Variants in MMP9 observed in about 807,000 individuals in gnomAD.
MMP9 encodes the protein matrix metalloproteinase-9.
MMP9 carries 73 observed loss-of-function variants against 76.4 expected under a neutral mutation model. The observed-to-expected ratio is 0.96, with a 90% CI of 0.79 to 1.16. MMP9 has a LOEUF of 1.16. MMP9 is among the 50% of genes most tolerant of loss of function. The pLI, the probability that MMP9 is intolerant of heterozygous loss-of-function variation, is 0.00. For synonymous variants in MMP9, 412 were observed against 408.4 expected, an observed-to-expected ratio of 1.01 and a Z score of -0.11; for missense variants, 943 against 973.0, an observed-to-expected ratio of 0.97 and a Z score of 0.41.
In MMP9 at chr20:46,012,294, G is replaced by T; in HGVS notation, c.1155G>T (p.Trp385Cys). The change falls in exon 7 of 13, where the codon TGG becomes TGT. Residue 385 changes from tryptophan to cysteine, a missense_variant. Transcript: ENST00000372330. ...CGAACTTTGACAGCGACAAGAAGTG[G>T]GGCTTCTGCCCGGACCAAGGTAGGC... ...TTSNFDSDKK[W>C]GFCPDQGYSL... 1 of 1,613,532 alleles carries T rather than the reference G, an allele frequency of 6.2e-7. No individual in the cohort carries two copies. The highest frequency in any genetic ancestry group is 2.2e-5 in the East Asian group (1 of 44,864).
intron 6 of MMP9, 36 bp from the exon 7 acceptor site, chr20:46,012,101 T>C: frequency 6.2e-7 from 1 of 1,610,272 alleles, no homozygotes; most frequent in Non-Finnish European, 8.5e-7. Context: ...ATTGGACTCA[T>C]CCATCTGGCT....
chr20:46,012,628 T>C (rs1437670260), intron 8 of MMP9, 46 bp downstream of exon 8: 1 of 1,583,500 alleles, frequency 6.3e-7, no homozygotes, highest in Non-Finnish European at 8.6e-7. Flanking sequence ...AGGGCGTGGC[T>C]GTGCCACAGT....
In MMP9 at chr20:46,010,333, A is replaced by AAAAAAAAAAC. The variant is rs796972949; in HGVS notation, c.372-142_372-141insACAAAAAAAA. 6.0e-6 allele frequency: 5 copies of AAAAAAAAAAC among 828,924 alleles called. No homozygotes were observed. In the African/African-American group the frequency reaches 1.1e-4, roughly 18 times the overall value. 51.3% of individuals were successfully genotyped at this position (828,924 alleles called of 1,614,324 possible). ...GGGTCTAAGTAGACAAAAAAAAAAAAAAAAAAAACAGTCTGGAAGCAATTT... is the reference window on the plus strand; with the variant it reads ...GGGTCTAAGTAGACAAAAAAAAAAAAAAAAAAAAACAAAAAAAACAGTCTGGAAGCAATTT... On this transcript the variant is annotated intron_variant, in intron 2 of 12. Transcript: ENST00000372330.
At position 46,013,433 on chromosome 20, in the gene MMP9, G is replaced by A. The variant is rs201304772; in HGVS notation, c.1509G>A (p.Thr503=). 6.2e-7 allele frequency: 1 copy of A among 1,613,510 alleles called. No individual in the cohort carries two copies. The highest frequency in any genetic ancestry group is 2.2e-5 in the East Asian group (1 of 44,840). ...GTCCCCCCACTGCTGGCCCTTCTAC[G>A]GCCACTACTGTGCCTTTGAGTCCGG... ...PTGPPTAGPS[T]ATTVPLSPVD... Residue 503 remains threonine (T), a synonymous_variant, in exon 9 of 13, where the codon ACG becomes ACA. Coordinates refer to ENST00000372330, the MANE Select transcript of MMP9 (RefSeq NM_004994.3). The surrounding 1 kb of genome is among the most constrained non-coding windows in gnomAD (Gnocchi z 4.5).
In MMP9 at chr20:46,010,666, G is replaced by T. The variant is rs140558050; in HGVS notation, c.520+35G>T. On this transcript the variant is annotated intron_variant, in intron 3 of 12. Transcript: ENST00000372330. Reference sequence around the variant, plus strand: ...TGAGGAGGGAAAATCCAAGAGACCTGGGCGGGGTCAGGGAAGGGAGGACCA... The same window carrying T: ...TGAGGAGGGAAAATCCAAGAGACCTTGGCGGGGTCAGGGAAGGGAGGACCA... The T allele has an allele frequency of 2.3e-4, 371 of 1,599,342 alleles. 1 individual carries two copies. The African/African-American group carries it at 4.6e-3, about 20-fold the overall frequency.
chr20:46,008,948 G>GTCCTGGTGC lies in MMP9; in HGVS notation c.33_41dup (p.Leu12_Leu14dup). 2 of 1,613,926 alleles carry GTCCTGGTGC rather than the reference G, an allele frequency of 1.2e-6. No individual in the cohort carries two copies. Among genetic ancestry groups the GTCCTGGTGC allele is most frequent in the Non-Finnish European group, 1.7e-6 (2 of 1,179,984 alleles). ...CACCATGAGCCTCTGGCAGCCCCTG[G>GTCCTGGTGC]TCCTGGTGCTCCTGGTGCTGGGCTG... On this transcript the variant is annotated inframe_insertion, in exon 1 of 13. Transcript: ENST00000372330.
chr20:46,016,288 G>C lies in MMP9; in HGVS notation c.2044G>C (p.Val682Leu). The change falls in exon 13 of 13, where the codon GTG becomes CTG. Residue 682 changes from valine to leucine, a missense_variant. Physicochemically the swap from Val to Leu is conservative, Grantham distance 32. Coordinates refer to ENST00000372330, the MANE Select transcript of MMP9 (RefSeq NM_004994.3). ...CTGCCAGGACCGCTTCTACTGGCGC[G>C]TGAGTTCCCGGAGTGAGTTGAACCA... is the stretch of plus-strand genomic sequence containing the variant. The part of the protein sequence containing the change: ...YFCQDRFYWR[V>L]SSRSELNQVD... 1.9e-6 allele frequency: 3 copies of C among 1,614,230 alleles called. No individual in the cohort carries two copies. The highest frequency in any genetic ancestry group is 2.5e-6 in the Non-Finnish European group (3 of 1,180,042).
At chr20:46,011,996 G>GC (rs1388887003) in intron 6 of MMP9, 141 bp from the exon 7 acceptor site, 46 of 1,207,194 alleles carry the variant, frequency 3.8e-5, no homozygotes, top group Non-Finnish European at 4.9e-5. Flanking sequence ...CCCAGGCACC[G>GC]CCCACGGGTC....
Position 46,012,533 on chromosome 20 carries a change from G to T in MMP9, c.1281G>T (p.Glu427Asp). 6.2e-7 allele frequency: 1 copy of T among 1,614,132 alleles called. No individual in the cohort carries two copies. Among genetic ancestry groups the T allele is most frequent in the African/African-American group, 1.3e-5 (1 of 75,052 alleles). Reference sequence around the variant, plus strand: ...TGTACCCTATGTACCGCTTCACTGAGGGGCCCCCCTTGCATAAGGACGACG... The same window carrying T: ...TGTACCCTATGTACCGCTTCACTGATGGGCCCCCCTTGCATAAGGACGACG... ...ALMYPMYRFT[E>D]GPPLHKDDVN... The change falls in exon 8 of 13, where the codon GAG becomes GAT. Residue 427 changes from glutamate to aspartate, a missense_variant. Transcript: ENST00000372330.
At chr20:46,014,060 T>C in intron 10 of MMP9, 64 bp from the exon 11 acceptor site, 1 of 1,530,420 alleles carries the variant, frequency 6.5e-7, no homozygotes, top group Non-Finnish European at 8.7e-7. Flanking sequence ...ATCTCCCTCC[T>C]CGCGTTCTAG....
intron 6 of MMP9, 37 bp downstream of exon 6, chr20:46,011,784 T>TGGTATTGGC (rs1568847609): frequency 1.3e-6 from 2 of 1,585,924 alleles, no homozygotes; most frequent in Admixed American, 3.5e-5. Context: ...AGCCCCGCCC[T>TGGTATTGGC]CTCATCATGT....
At chr20:46,009,168 G>C in intron 1 of MMP9, 104 bp downstream of exon 1, 1 of 1,255,486 alleles carries the variant, frequency 8.0e-7, no homozygotes, top group Non-Finnish European at 1.1e-6. Context: ...GGGGTGTGTT[G>C]GTGGTGATGG....
chr20:46,010,222 G>A, intron 2 of MMP9, 124 bp downstream of exon 2: 1 of 946,684 alleles, frequency 1.1e-6, no homozygotes, highest in Admixed American at 2.5e-5. Context: ...TGTGGCCCCT[G>A]GGGAGTGTCC....
At chr20:46,012,627 C>T in intron 8 of MMP9, 45 bp downstream of exon 8, 1 of 1,517,886 alleles carries the variant, frequency 6.6e-7, no homozygotes, top group Non-Finnish European at 8.9e-7. Context: ...AAGGGCGTGG[C>T]TGTGCCACAG....
At chr20:46,014,822 T>C (rs577590247) in intron 12 of MMP9, 8 of 311,032 alleles carry the variant, frequency 2.6e-5, no homozygotes, top group Admixed American at 1.4e-4. Context: ...CACAGCTCTG[T>C]GACTTTGGGC....
In MMP9 at chr20:46,009,910, T is replaced by C. The variant is rs2084264190; in HGVS notation, c.183T>C (p.Arg61=). 1.3e-6 allele frequency: 2 copies of C among 1,552,082 alleles called. No individual in the cohort carries two copies. Among genetic ancestry groups the C allele is most frequent in the Non-Finnish European group, 1.7e-6 (2 of 1,147,266 alleles). ...RYGYTRVAEM[R]GESKSLGPAL... ...GTTACACTCGGGTGGCAGAGATGCG[T>C]GGAGAGTCGAAATCTCTGGGGCCTG... The change falls in exon 2 of 13, where the codon CGT becomes CGC. Residue 61 remains arginine (R), a synonymous_variant. Coordinates refer to ENST00000372330, the MANE Select transcript of MMP9 (RefSeq NM_004994.3).
At position 46,013,599 on chromosome 20, in the gene MMP9, G is replaced by A. The variant is rs1163921533; in HGVS notation, c.1611-58G>A. The A allele has an allele frequency of 1.2e-6, 2 of 1,611,692 alleles. No individual in the cohort carries two copies. The highest frequency in any genetic ancestry group is 1.7e-6 in the Non-Finnish European group (2 of 1,178,370). On this transcript the variant is annotated intron_variant, in intron 9 of 12. Coordinates refer to ENST00000372330, the MANE Select transcript of MMP9 (RefSeq NM_004994.3). The surrounding 1 kb of genome is among the most constrained non-coding windows in gnomAD (Gnocchi z 4.5). ...GCGGAGGGGCTGCCCGTCCCTTCCC[G>A]CCCACTGGCCCTGTGTCCAAGGCTT...
intron 12 of MMP9, 22 bp from the exon 13 acceptor site, chr20:46,016,228 T>C: frequency 1.3e-6 from 2 of 1,597,500 alleles, no homozygotes; most frequent in Non-Finnish European, 1.7e-6. Context: ...TCACTCCTCT[T>C]ATGCCTGCCT....
intron 6 of MMP9, 66 bp from the exon 7 acceptor site, chr20:46,012,071 G>A (rs887701744): frequency 1.3e-6 from 2 of 1,587,206 alleles, no homozygotes; most frequent in Non-Finnish European, 1.7e-6. Context: ...GCTCCCTGTC[G>A]GGTCGGCCCC....
Sources: gnomAD v4.1 joint callset for allele counts on GRCh38, gnomAD v4.1.1 for gene constraint, Gnocchi (gnomAD v3.1) non-coding constraint, MANE v1.5 for transcripts, NCBI Gene and HGNC (gene_info 2026-07-23, HGNC 2026-07-21) for gene names.